Variants in DDC observed in about 807,000 individuals in gnomAD.
DDC encodes the protein dopa decarboxylase.
Under a neutral mutation model 60.0 loss-of-function variants are expected in DDC, and 43 were observed. The ratio of observed to expected loss-of-function variants is 0.72; its 90% CI spans 0.56 to 0.92. The LOEUF (loss-of-function observed/expected upper bound fraction) is 0.92. Among genes scored for constraint, DDC ranks in the 40% least tolerant of loss-of-function variants. The pLI is 0.00. For missense variants in DDC, 573 were observed against 620.2 expected (o/e 0.92, Z 0.81); for synonymous variants, 232 against 234.6 (o/e 0.99, Z 0.10).
chr7:50,470,996 G>A (rs939188734), intron 11 of DDC, among the ~76,000 whole-genome samples: 5 of 152,240 alleles, frequency 3.3e-5, no homozygotes, highest in African/African-American at 7.2e-5. Flanking sequence ...AGCCAGGCGC[G>A]ACACTCTAGC....
intron 9 of DDC, among the ~76,000 whole-genome samples, chr7:50,494,797 G>A (rs534923957): frequency 7.2e-5 from 11 of 152,084 alleles, no homozygotes; most frequent in African/African-American, 2.6e-4. Flanking sequence ...GAGTAGCTGG[G>A]ATTACAGGCA....
At chr7:50,534,757 T>A (rs2044339410) in intron 4 of DDC, among the ~76,000 whole-genome samples, 1 of 152,202 alleles carries the variant, frequency 6.6e-6, no homozygotes. Flanking sequence ...TTGCCTGGAA[T>A]CAAAACCACG....
intron 4 of DDC, among the ~76,000 whole-genome samples, chr7:50,532,690 C>T (rs1334931009): frequency 6.6e-6 from 1 of 152,126 alleles, no homozygotes; most frequent in Non-Finnish European, 1.5e-5. Context: ...AATTGCTATT[C>T]AATGAAAAGT....
intron 14 of DDC, among the ~76,000 whole-genome samples, chr7:50,461,293 G>T (rs576514761): frequency 6.6e-6 from 1 of 152,254 alleles, no homozygotes; most frequent in South Asian, 2.1e-4. Flanking sequence ...AATAAGAATA[G>T]TTCCTACTTT....
intron 9 of DDC, among the ~76,000 whole-genome samples, chr7:50,486,448 G>C (rs997014419): frequency 6.6e-6 from 1 of 152,090 alleles, no homozygotes; most frequent in African/African-American, 2.4e-5. Flanking sequence ...GAAAATATAA[G>C]TTTCATAGCT....
chr7:50,539,976 G>T lies in DDC; in HGVS notation c.254C>A (p.Ser85Ter). 7 of 1,613,996 alleles carry T rather than the reference G, an allele frequency of 4.3e-6. No homozygotes were observed. Among genetic ancestry groups the T allele is most frequent in the Non-Finnish European group, 5.1e-6 (6 of 1,179,980 alleles). Residue 85 changes from serine (S) to a stop codon, truncating the protein, a stop_gained, in exon 3 of 15, where the codon TCG (serine) becomes TAG (stop). Transcript: ENST00000444124. LOFTEE classifies it high-confidence loss of function. The part of the protein sequence containing the change: ...YFFAYFPTAS[S>*]YPAMLADMLC... ...CATGTCCGCAAGCATGGCCGGGTAC[G>T]AGCTGGCAGTGGGGAAGTAGGCGAA...
intron 9 of DDC, among the ~76,000 whole-genome samples, chr7:50,494,765 G>A (rs571209501): frequency 1.6e-4 from 24 of 151,828 alleles, no homozygotes; most frequent in East Asian, 3.9e-4. Flanking sequence ...AGGTTCAAGC[G>A]ATTCTCCTGC....
intron 9 of DDC, among the ~76,000 whole-genome samples, chr7:50,494,820 C>T (rs1029360632): frequency 1.3e-5 from 2 of 151,942 alleles, no homozygotes; most frequent in African/African-American, 4.8e-5. Flanking sequence ...CACTACCACA[C>T]CCAGCTAATT....
intron 6 of DDC, among the ~76,000 whole-genome samples, chr7:50,514,916 T>C (rs866815054): frequency 1.3e-5 from 2 of 152,294 alleles, no homozygotes; most frequent in East Asian, 3.9e-4. Context: ...CCAAGAAGTC[T>C]GGGATTATGT....
At chr7:50,555,562 C>T (rs921450) in intron 1 of DDC, among the ~76,000 whole-genome samples, 48,616 of 151,680 alleles carry the variant, frequency 0.32, 8,406 homozygotes, top group East Asian at 0.48. Context: ...CACACACTTG[C>T]GACTGTCTTA....
chr7:50,561,670 A>G (rs199786496), intron 1 of DDC, among the ~76,000 whole-genome samples: 1 of 144,108 alleles, frequency 6.9e-6, no homozygotes, highest in Non-Finnish European at 1.5e-5. Flanking sequence ...CCCCACCTCC[A>G]CCCCCTCCCC....
chr7:50,555,791 A>C (rs1030255801), intron 1 of DDC, among the ~76,000 whole-genome samples: 2 of 152,186 alleles, frequency 1.3e-5, no homozygotes, highest in African/African-American at 4.8e-5. Flanking sequence ...GAGAGGCTGC[A>C]CAACTGAACC....
At chr7:50,470,036 G>T (rs769626871) in intron 12 of DDC, 37 bp downstream of exon 12, 3 of 1,332,678 alleles carry the variant, frequency 2.3e-6, no homozygotes, top group South Asian at 1.2e-5. Flanking sequence ...AAAGACCTCC[G>T]CAATTTTACC....
At chr7:50,497,946 T>C (rs1055943697) in intron 8 of DDC, among the ~76,000 whole-genome samples, 2 of 152,210 alleles carry the variant, frequency 1.3e-5, no homozygotes, top group Non-Finnish European at 2.9e-5. Context: ...TACAGCATTA[T>C]GAGAATTCAA....
intron 9 of DDC, among the ~76,000 whole-genome samples, chr7:50,480,464 AACCTGGG>A: frequency 6.6e-6 from 1 of 152,194 alleles, no homozygotes; most frequent in Non-Finnish European, 1.5e-5. Flanking sequence ...TAAGTTACTG[AACCTGGG>A]GCAAGGGTTA....
intron 2 of DDC, among the ~76,000 whole-genome samples, chr7:50,540,828 C>G (rs898293142): frequency 6.6e-6 from 1 of 152,124 alleles, no homozygotes; most frequent in Non-Finnish European, 1.5e-5. Flanking sequence ...TACTTGGGGA[C>G]AGGGGGTTTC....
chr7:50,469,489 A>G (rs11575501), intron 12 of DDC, among the ~76,000 whole-genome samples: 8,004 of 152,196 alleles, frequency 0.053, 489 homozygotes, highest in African/African-American at 0.15. Flanking sequence ...ATGTTCTCAT[A>G]ATTGCCATTG....
intron 1 of DDC, among the ~76,000 whole-genome samples, chr7:50,544,506 A>G (rs1291903664): frequency 2.6e-5 from 4 of 152,306 alleles, no homozygotes; most frequent in Admixed American, 6.5e-5. Context: ...CTCATCTGAG[A>G]AATGAAGACT....
chr7:50,505,974 G>T lies in DDC; in HGVS notation c.715-1915C>A, dbSNP rs372811382. On this transcript the variant is annotated intron_variant, in intron 6 of 14. Coordinates refer to ENST00000444124, the MANE Select transcript of DDC (RefSeq NM_001082971.2). ...TTCCTCACAGTCCCCAAGGGGAGGG[G>T]GACATGGGGAAGCACGAGGATCAGT... 1.9e-4 allele frequency among the ~76,000 whole-genome samples: 29 copies of T among 152,362 alleles called. No individual in the cohort carries two copies. The East Asian group carries it at 4.4e-3, about 23-fold the overall frequency.
Sources: allele counts gnomAD v4.1 joint callset (sites outside exome capture counted in the v4.1 genomes callset), GRCh38; gene constraint gnomAD v4.1.1; transcripts MANE v1.5; gene names NCBI Gene and HGNC (gene_info 2026-07-23, HGNC 2026-07-21).